Variants in CFAP263 observed in about 807,000 individuals in gnomAD.
The protein encoded by CFAP263 is cilia- and flagella-associated protein 263.
At chr16:58,265,687 T>A in the CFAP263 span, among the ~76,000 whole-genome samples, 1 of 152,192 alleles carries the variant, frequency 6.6e-6, no homozygotes, top group African/African-American at 2.4e-5. Flanking sequence ...AGCTGTGAGA[T>A]AATAAATGGG....
At chr16:58,251,563 T>G in the CFAP263 span, among the ~76,000 whole-genome samples, 1 of 152,106 alleles carries the variant, frequency 6.6e-6, no homozygotes. Flanking sequence ...AGCTAATTCT[T>G]GTACTTTTAG....
chr16:58,265,165 C>T, the CFAP263 span, among the ~76,000 whole-genome samples: 3 of 152,210 alleles, frequency 2.0e-5, no homozygotes, highest in Non-Finnish European at 2.9e-5. Context: ...GAATCCCTGG[C>T]CCTTGGTGTC....
chr16:58,280,610 C>T, the CFAP263 span: 14 of 1,614,038 alleles, frequency 8.7e-6, no homozygotes, highest in Non-Finnish European at 1.1e-5. Context: ...GCCCTCTCAG[C>T]CTTGGATGTG....
the CFAP263 span, among the ~76,000 whole-genome samples, chr16:58,251,690 C>A: frequency 2.6e-5 from 4 of 152,284 alleles, no homozygotes; most frequent in East Asian, 5.8e-4. Flanking sequence ...CCACACCTGG[C>A]CCCACTAGTC....
chr16:58,275,766 C>G, the CFAP263 span, among the ~76,000 whole-genome samples: 1 of 152,032 alleles, frequency 6.6e-6, no homozygotes, highest in African/African-American at 2.4e-5. Context: ...CATGGGGTAA[C>G]TGGGGTAACT....
the CFAP263 span, among the ~76,000 whole-genome samples, chr16:58,269,721 T>A: frequency 6.6e-6 from 1 of 152,238 alleles, no homozygotes; most frequent in African/African-American, 2.4e-5. Context: ...ATTTATCCAT[T>A]CATCAGTTGG....
the CFAP263 span, among the ~76,000 whole-genome samples, chr16:58,257,820 T>C: frequency 6.6e-6 from 1 of 152,174 alleles, no homozygotes; most frequent in South Asian, 2.1e-4. Flanking sequence ...TTTAGATAGA[T>C]AGCTTGGCCA....
the CFAP263 span, among the ~76,000 whole-genome samples, chr16:58,273,961 C>G: frequency 6.6e-6 from 1 of 152,172 alleles, no homozygotes; most frequent in Admixed American, 6.5e-5. Context: ...GCCCTGACGA[C>G]CAGGGATAAT....
the CFAP263 span, among the ~76,000 whole-genome samples, chr16:58,255,771 G>C: frequency 6.6e-6 from 1 of 151,984 alleles, no homozygotes; most frequent in East Asian, 1.9e-4. Context: ...CACCATGTTA[G>C]CCAGGATGGT....
the CFAP263 span, chr16:58,278,586 G>A: frequency 2.6e-5 from 42 of 1,614,186 alleles, no homozygotes; most frequent in East Asian, 2.0e-4. Context: ...TCTTAAATGC[G>A]GACCTGGAGA....
chr16:58,260,509 T>A, the CFAP263 span, among the ~76,000 whole-genome samples: 1 of 152,198 alleles, frequency 6.6e-6, no homozygotes, highest in African/African-American at 2.4e-5. Flanking sequence ...TAGACAGAGT[T>A]GGCGTGAATT....
the CFAP263 span, chr16:58,250,579 A>G: frequency 7.1e-5 from 11 of 153,962 alleles, no homozygotes; most frequent in African/African-American, 1.9e-4. Context: ...AGCCTGGCCA[A>G]CATGGTGAAA....
chr16:58,268,585 A>G, the CFAP263 span, among the ~76,000 whole-genome samples: 1 of 152,250 alleles, frequency 6.6e-6, no homozygotes, highest in East Asian at 1.9e-4. Context: ...TTTGCCTACA[A>G]TAGCCCCAAA....
chr16:58,249,939 G>A, the CFAP263 span: 1 of 987,044 alleles, frequency 1.0e-6, no homozygotes, highest in Non-Finnish European at 1.6e-6. Flanking sequence ...CCGCGTCGCA[G>A]CCGGAGTGAC....
the CFAP263 span, among the ~76,000 whole-genome samples, chr16:58,275,914 T>C: frequency 6.6e-6 from 1 of 152,198 alleles, no homozygotes; most frequent in African/African-American, 2.4e-5. Context: ...TAATATAATC[T>C]TGGAATGAAG....
chr16:58,275,438 G>A, the CFAP263 span, among the ~76,000 whole-genome samples: 1 of 151,698 alleles, frequency 6.6e-6, no homozygotes, highest in Non-Finnish European at 1.5e-5. Context: ...AGGTTTTTTT[G>A]TTTGTTTGTT....
the CFAP263 span, among the ~76,000 whole-genome samples, chr16:58,274,685 A>C: frequency 6.6e-6 from 1 of 152,180 alleles, no homozygotes; most frequent in South Asian, 2.1e-4. Flanking sequence ...AAGTTTCCTG[A>C]GGCCTCCCTA....
chr16:58,267,804 G>T, the CFAP263 span, among the ~76,000 whole-genome samples: 5 of 152,112 alleles, frequency 3.3e-5, no homozygotes, highest in Non-Finnish European at 7.4e-5. Context: ...GGGTTCTAGA[G>T]TCAGCTCAGA....
the CFAP263 span, among the ~76,000 whole-genome samples, chr16:58,260,572 G>A: frequency 1.3e-5 from 2 of 152,164 alleles, no homozygotes; most frequent in African/African-American, 4.8e-5. Flanking sequence ...ATGGCCTGGT[G>A]GCACAGTTAT....
Sources: gnomAD v4.1 joint callset for allele counts (sites outside exome capture counted in the v4.1 genomes callset) on GRCh38, gnomAD v4.1.1 for gene constraint, MANE v1.5 for transcripts, NCBI Gene and HGNC (gene_info 2026-07-23, HGNC 2026-07-21) for gene names.